HECW2: variants seen among roughly 807,000 people sequenced by gnomAD.
HECW2 encodes E3 ubiquitin-protein ligase HECW2.
HECW2 carries 61 observed loss-of-function variants against 175.2 expected under a neutral mutation model. The ratio of observed to expected loss-of-function variants is 0.35; its 90% CI spans 0.28 to 0.43. The LOEUF (loss-of-function observed/expected upper bound fraction) is 0.43. Ranked by LOEUF, HECW2 falls within the 20% of genes least tolerant of loss-of-function variation. The probability of loss-of-function intolerance (pLI) is 1.00; values close to 1 mark genes in which losing one functional copy is unlikely to be tolerated. For missense variants in HECW2, 1,524 were observed against 2,000.5 expected (o/e 0.76, Z 4.54); for synonymous variants, 671 against 731.0 (o/e 0.92, Z 1.32).
At chr2:196,429,902 A>C (rs1695658160) in intron 2 of HECW2, among the ~76,000 whole-genome samples, 1 of 152,206 alleles carries the variant, frequency 6.6e-6, no homozygotes, top group Non-Finnish European at 1.5e-5. Context: ...TGGGGTGCAC[A>C]TGCTCAGAAA....
chr2:196,580,592 A>T (rs1690739202), intron 1 of HECW2, among the ~76,000 whole-genome samples: 1 of 151,924 alleles, frequency 6.6e-6, no homozygotes. Context: ...CAACATCATT[A>T]GTCATCATGG....
intron 4 of HECW2, among the ~76,000 whole-genome samples, chr2:196,331,857 C>T (rs1692373577): frequency 6.6e-6 from 1 of 152,134 alleles, no homozygotes; most frequent in Admixed American, 6.5e-5. Flanking sequence ...ATAATAAACA[C>T]ATCTGCACTC....
At chr2:196,370,600 A>G (rs2105901654) in intron 2 of HECW2, among the ~76,000 whole-genome samples, 1 of 152,286 alleles carries the variant, frequency 6.6e-6, no homozygotes, top group Middle Eastern at 3.4e-3. Context: ...GGACTTGCCC[A>G]GGAATTGCAG....
intron 1 of HECW2, among the ~76,000 whole-genome samples, chr2:196,526,357 G>A (rs971537847): frequency 7.1e-6 from 1 of 141,144 alleles, no homozygotes; most frequent in Non-Finnish European, 1.5e-5. Flanking sequence ...CTCTGTATTG[G>A]TTATTCTAAT....
chr2:196,568,084 T>C (rs555474716), intron 1 of HECW2, among the ~76,000 whole-genome samples: 36 of 152,244 alleles, frequency 2.4e-4, no homozygotes, highest in Middle Eastern at 3.2e-3. Context: ...TTGCATGTTT[T>C]GCTACATTTG....
chr2:196,292,689 C>T lies in HECW2; in HGVS notation c.2876G>A (p.Arg959Lys), dbSNP rs1363839401. 2.5e-6 allele frequency: 4 copies of T among 1,614,106 alleles called. No homozygotes were observed. In the Admixed American group the frequency reaches 6.7e-5, roughly 27 times the overall value. ...CLKHMITKVR[R>K]DTHHFERYQH... ...GTAGCGTTCAAAGTGGTGGGTGTCC[C>T]TCCGGACTTTGGTGATCATGTGCTT... is the stretch of plus-strand genomic sequence containing the variant. Residue 959 changes from arginine (R) to lysine (K), a missense_variant, in exon 14 of 29, where the codon AGG becomes AAG. By Grantham distance (26) the Arg-to-Lys change is conservative. This residue lies in a region of HECW2 where 291 missense variants were observed against 412.2 expected (regional missense o/e 0.71). Transcript: ENST00000644978.
intron 1 of HECW2, among the ~76,000 whole-genome samples, chr2:196,481,246 G>A (rs1318201404): frequency 6.6e-6 from 1 of 152,058 alleles, no homozygotes; most frequent in East Asian, 1.9e-4. Flanking sequence ...AAAATTAGGT[G>A]GAATGTCACA....
chr2:196,520,915 AATAAAGAG>A (rs1263792896), intron 1 of HECW2, among the ~76,000 whole-genome samples: 1 of 152,212 alleles, frequency 6.6e-6, no homozygotes, highest in African/African-American at 2.4e-5. Flanking sequence ...AGAAAAAATA[AATAAAGAG>A]AGCTAGCTCA....
chr2:196,372,773 A>G (rs1693944049), intron 2 of HECW2, among the ~76,000 whole-genome samples: 1 of 152,136 alleles, frequency 6.6e-6, no homozygotes, highest in East Asian at 1.9e-4. Flanking sequence ...TTTTTTAGAA[A>G]CCCAATTTTT....
At chr2:196,229,024 A>G (rs1687952773) in intron 21 of HECW2, among the ~76,000 whole-genome samples, 1 of 152,240 alleles carries the variant, frequency 6.6e-6, no homozygotes. Flanking sequence ...CAAGTGGCCA[A>G]AAATGACGAG....
At chr2:196,374,668 G>A (rs1282205512) in intron 2 of HECW2, among the ~76,000 whole-genome samples, 2 of 152,150 alleles carry the variant, frequency 1.3e-5, no homozygotes, top group Admixed American at 6.5e-5. Context: ...TCAGAAAGAA[G>A]TTTTCATTTA....
chr2:196,536,343 G>C (rs1158992998), intron 1 of HECW2, among the ~76,000 whole-genome samples: 1 of 152,174 alleles, frequency 6.6e-6, no homozygotes, highest in African/African-American at 2.4e-5. Flanking sequence ...GCAGCTGTGA[G>C]AGTATTCTGC....
intron 17 of HECW2, among the ~76,000 whole-genome samples, chr2:196,267,182 T>C (rs1321530327): frequency 6.6e-6 from 1 of 152,172 alleles, no homozygotes; most frequent in East Asian, 1.9e-4. Context: ...TTAATAATCA[T>C]ATTAGAGGGG....
chr2:196,485,942 G>A, intron 1 of HECW2, among the ~76,000 whole-genome samples: 1 of 152,170 alleles, frequency 6.6e-6, no homozygotes, highest in Non-Finnish European at 1.5e-5. Flanking sequence ...TCAAAACACA[G>A]GAAGCTATTC....
intron 1 of HECW2, among the ~76,000 whole-genome samples, chr2:196,479,146 TAAG>T (rs937654761): frequency 1.3e-5 from 2 of 152,050 alleles, no homozygotes; most frequent in African/African-American, 4.8e-5. Context: ...GATGGCAAAA[TAAG>T]AAAGTGAACC....
intron 1 of HECW2, among the ~76,000 whole-genome samples, chr2:196,444,857 C>A (rs1393764594): frequency 1.3e-5 from 2 of 152,148 alleles, no homozygotes; most frequent in Non-Finnish European, 2.9e-5. Context: ...GGGAGGAGAG[C>A]AGAGGGTGGA....
intron 17 of HECW2, among the ~76,000 whole-genome samples, chr2:196,265,228 TA>T (rs1689464411): frequency 6.6e-6 from 1 of 152,222 alleles, no homozygotes; most frequent in South Asian, 2.1e-4. Flanking sequence ...CTCACGCCTA[TA>T]ATCCCAACAC....
intron 28 of HECW2, among the ~76,000 whole-genome samples, chr2:196,208,918 G>A (rs1687165866): frequency 6.6e-6 from 1 of 152,186 alleles, no homozygotes; most frequent in Non-Finnish European, 1.5e-5. Context: ...GATGTTTGCA[G>A]ATCCCAGTGG....
chr2:196,441,835 G>C (rs1020612120), intron 1 of HECW2, among the ~76,000 whole-genome samples: 5 of 152,134 alleles, frequency 3.3e-5, no homozygotes, highest in Non-Finnish European at 7.4e-5. Context: ...ACTGAATAGA[G>C]AACCTGGGGT....
Sources: gnomAD v4.1 joint callset for allele counts (sites outside exome capture counted in the v4.1 genomes callset) on GRCh38, gnomAD v4.1.1 for gene constraint, gnomAD v4.1.1 regional missense constraint, MANE v1.5 for transcripts, NCBI Gene and HGNC (gene_info 2026-07-23, HGNC 2026-07-21) for gene names.